Variants in ST3GAL4 observed in about 807,000 individuals in gnomAD.
ST3GAL4 encodes the protein ST3 beta-galactoside alpha-2,3-sialyltransferase 4.
ST3GAL4 carries 24 observed loss-of-function variants against 42.6 expected under a neutral mutation model. The ratio of observed to expected loss-of-function variants is 0.56; its 90% CI spans 0.41 to 0.79. The LOEUF is 0.79. ST3GAL4 is among the 30% of genes least tolerant of loss of function. ST3GAL4 has a pLI of 0.00. For missense variants in ST3GAL4, 311 were observed against 430.8 expected (o/e 0.72, Z 2.46); for synonymous variants, 135 against 163.2 (o/e 0.83, Z 1.32).
chr11:126,367,127 G>C (rs1565394641), intron 1 of ST3GAL4, among the ~76,000 whole-genome samples: 3 of 152,134 alleles, frequency 2.0e-5, no homozygotes, highest in Non-Finnish European at 4.4e-5. Flanking sequence ...TGAGGGATCC[G>C]TGTGCCAGCC....
chr11:126,413,490 G>T lies in ST3GAL4; in HGVS notation c.772-15G>T. The T allele has an allele frequency of 6.2e-7, 1 of 1,613,446 alleles. No homozygotes were observed. The highest frequency in any genetic ancestry group is 1.3e-5 in the African/African-American group (1 of 75,050). ...GCAGGGCTCCCACTAACACCCTCCT[G>T]CCCCTGTTCCTCAGAAGCCCACCAC... On this transcript the variant is annotated splice_polypyrimidine_tract_variant and intron_variant, in intron 9 of 10. Transcript: ENST00000444328.
At position 126,392,946 on chromosome 11, in the gene ST3GAL4, G is replaced by A. The variant is rs1030693331; in HGVS notation, c.-60-13150G>A. On this transcript the variant is annotated intron_variant, in intron 1 of 10. Coordinates refer to ENST00000444328, the MANE Select transcript of ST3GAL4 (RefSeq NM_001254757.2). The surrounding 1 kb of genome is among the most constrained non-coding windows in gnomAD (Gnocchi z 5.8). ...CCAGATCTCTCAACATTTGTAACAC[G>A]ACCAACTCCTGTTCTTTTTTTTTTT... Among the ~76,000 whole-genome samples the A allele has an allele frequency of 1.4e-4, 20 of 147,790 alleles. No individual in the cohort carries two copies. The highest frequency in any genetic ancestry group is 5.1e-4 in the African/African-American group (20 of 39,540).
chr11:126,399,590 A>G (rs1953921537), intron 1 of ST3GAL4, among the ~76,000 whole-genome samples: 1 of 152,038 alleles, frequency 6.6e-6, no homozygotes, highest in Non-Finnish European at 1.5e-5. Context: ...TACAGACGTG[A>G]GCTACTGCGC....
rs763280766 is a variant in ST3GAL4, at chr11:126,362,193, C to CTTTTTTTTT, written c.-61+6365_-61+6373dup. 1.7e-5 allele frequency among the ~76,000 whole-genome samples: 2 copies of CTTTTTTTTT among 119,092 alleles called. 1 individual carries two copies. The allele number at this position is 119,092 out of a possible 152,430, so 78.1% of individuals were successfully genotyped here. On this transcript the variant is annotated intron_variant, in intron 1 of 10. Coordinates refer to ENST00000444328, the MANE Select transcript of ST3GAL4 (RefSeq NM_001254757.2). ...CACCGTGTCTGGCCAACATTTCTTC[C>CTTTTTTTTT]TTTTTTTTTTTTTTTTTTTTTTAAG...
chr11:126,388,998 G>C (rs573104060), intron 1 of ST3GAL4, among the ~76,000 whole-genome samples: 3 of 151,938 alleles, frequency 2.0e-5, no homozygotes, highest in South Asian at 2.1e-4. Flanking sequence ...GGTTGGTCTC[G>C]AACTCGTGAC....
chr11:126,363,814 C>A lies in ST3GAL4; in HGVS notation c.-61+7972C>A, dbSNP rs1276389214. Among the ~76,000 whole-genome samples, 5 of 152,232 alleles carry A rather than the reference C, an allele frequency of 3.3e-5. No individual in the cohort carries two copies. Among genetic ancestry groups the A allele is most frequent in the Non-Finnish European group, 7.3e-5 (5 of 68,040 alleles). On this transcript the variant is annotated intron_variant, in intron 1 of 10. Coordinates refer to ENST00000444328, the MANE Select transcript of ST3GAL4 (RefSeq NM_001254757.2). This position sits in a 1 kb window ranked among gnomAD's most constrained non-coding sequence, Gnocchi z 4.6. ...GCCAACACAGTTTTCTACTCTCAGA[C>A]CCCATTGAGGTGAGCACACAACAGT...
intron 1 of ST3GAL4, among the ~76,000 whole-genome samples, chr11:126,394,874 C>T (rs186834613): frequency 6.6e-6 from 1 of 152,080 alleles, no homozygotes; most frequent in East Asian, 1.9e-4. Context: ...AGGGTGGGAA[C>T]AGAGAGTCTT....
chr11:126,411,576 A>G lies in ST3GAL4; in HGVS notation c.772-1929A>G, dbSNP rs1954527846. Among the ~76,000 whole-genome samples the G allele has an allele frequency of 6.6e-6, 1 of 151,954 alleles. No homozygotes were observed. Among genetic ancestry groups the G allele is most frequent in the Non-Finnish European group, 1.5e-5 (1 of 67,996 alleles). On this transcript the variant is annotated intron_variant, in intron 9 of 10. Transcript: ENST00000444328. This position sits in a 1 kb window ranked among gnomAD's most constrained non-coding sequence, Gnocchi z 6.3. ...TCTGTTTAGGGTGTCACAAGGCTGG[A>G]CTCGGTGTGTCAACCAGACAGTTCT...
chr11:126,388,662 T>G (rs1344881856), intron 1 of ST3GAL4, among the ~76,000 whole-genome samples: 3 of 37,058 alleles, frequency 8.1e-5, no homozygotes, highest in Admixed American at 1.1e-3. Context: ...GGTTTCTTGT[T>G]TTTTTTTTTT....
At chr11:126,377,084 G>C (rs952528426) in intron 1 of ST3GAL4, among the ~76,000 whole-genome samples, 1 of 152,206 alleles carries the variant, frequency 6.6e-6, no homozygotes, top group Admixed American at 6.5e-5. Flanking sequence ...AATCAATGGA[G>C]AAGGCAGTGC....
chr11:126,383,273 T>C lies in ST3GAL4; in HGVS notation c.-60-22823T>C, dbSNP rs1374780460. 1.3e-5 allele frequency among the ~76,000 whole-genome samples: 2 copies of C among 152,156 alleles called. No individual in the cohort carries two copies. The highest frequency in any genetic ancestry group is 4.8e-5 in the African/African-American group (2 of 41,456). On this transcript the variant is annotated intron_variant, in intron 1 of 10. Coordinates refer to ENST00000444328, the MANE Select transcript of ST3GAL4 (RefSeq NM_001254757.2). The surrounding 1 kb of genome is among the most constrained non-coding windows in gnomAD (Gnocchi z 4.5). ...CCCAGGATTCCCCTTTCCGTGACTT[T>C]GGAGGAACGAGGTTCCTGAGGGCTG...
chr11:126,390,901 T>G (rs1440634879), intron 1 of ST3GAL4, among the ~76,000 whole-genome samples: 1 of 152,224 alleles, frequency 6.6e-6, no homozygotes, highest in Non-Finnish European at 1.5e-5. Context: ...TCTGTGAGCT[T>G]GACTACTTTA....
rs1440273336 is a variant in ST3GAL4 at position 126,384,616 on chromosome 11, C to G, written c.-60-21480C>G. On this transcript the variant is annotated intron_variant, in intron 1 of 10. Coordinates refer to ENST00000444328, the MANE Select transcript of ST3GAL4 (RefSeq NM_001254757.2). This position sits in a 1 kb window ranked among gnomAD's most constrained non-coding sequence, Gnocchi z 5.5. Reference sequence around the variant, plus strand: ...GAAGGCTGAATGGGGCGGAACTGGTCAGGGCCTGGCACCAACTCCAGGATG... The same window carrying G: ...GAAGGCTGAATGGGGCGGAACTGGTGAGGGCCTGGCACCAACTCCAGGATG... 1.1e-6 allele frequency: 1 copy of G among 947,148 alleles called. No homozygotes were observed. The highest frequency in any genetic ancestry group is 1.3e-6 in the Non-Finnish European group (1 of 795,164). The allele number at this position is 947,148 out of a possible 1,614,324, so 58.7% of individuals were successfully genotyped here. A position where few individuals can be genotyped will look rare whatever the true frequency, so the allele number is the denominator to read the frequency against.
At chr11:126,408,046 C>A in intron 6 of ST3GAL4, 53 bp from the exon 7 acceptor site, 3 of 1,579,816 alleles carry the variant, frequency 1.9e-6, no homozygotes, top group South Asian at 1.1e-5. Context: ...TCCAGGGCAG[C>A]GAGCCTGGGT....
chr11:126,368,967 T>C (rs1021850148), intron 1 of ST3GAL4, among the ~76,000 whole-genome samples: 5 of 152,066 alleles, frequency 3.3e-5, no homozygotes, highest in African/African-American at 1.2e-4. Flanking sequence ...AGCATACAGT[T>C]TGGCAAGTAG....
At chr11:126,407,163 C>T (rs1363438708) in intron 4 of ST3GAL4, 89 bp from the exon 5 acceptor site, 1 of 1,501,714 alleles carries the variant, frequency 6.7e-7, no homozygotes, top group East Asian at 2.3e-5. Flanking sequence ...GAAGAGAAGG[C>T]CTTATAATAT....
rs1366300237 is a variant in ST3GAL4, at chr11:126,406,670, A to G, written c.101+113A>G. 24 of 1,173,836 alleles carry G rather than the reference A, an allele frequency of 2.0e-5. No individual in the cohort carries two copies. Among genetic ancestry groups the G allele is most frequent in the Non-Finnish European group, 2.3e-5 (20 of 864,188 alleles). 72.7% of individuals were successfully genotyped at this position (1,173,836 alleles called of 1,614,324 possible). ...GCAGGAAGGTTCCAAGAGCCGGCAC[A>G]TGACCTCATCCCTTCAGCTGCTGGT... On this transcript the variant is annotated intron_variant, in intron 3 of 10. Transcript: ENST00000444328. This position sits in a 1 kb window ranked among gnomAD's most constrained non-coding sequence, Gnocchi z 5.4.
At chr11:126,361,589 G>A (rs762690857) in intron 1 of ST3GAL4, among the ~76,000 whole-genome samples, 4 of 151,946 alleles carry the variant, frequency 2.6e-5, no homozygotes, top group Admixed American at 6.6e-5. Context: ...ACCCAGCACC[G>A]GCACTTCCTC....
In ST3GAL4 at chr11:126,406,145, T is replaced by A; in HGVS notation, c.-11T>A. 6.4e-7 allele frequency: 1 copy of A among 1,554,302 alleles called. No individual in the cohort carries two copies. The highest frequency in any genetic ancestry group is 1.2e-5 in the South Asian group (1 of 84,202). On this transcript the variant is annotated 5_prime_UTR_variant, in exon 2 of 11. Transcript: ENST00000444328. This position sits in a 1 kb window ranked among gnomAD's most constrained non-coding sequence, Gnocchi z 5.4. ...AGCTCTCCCCAGGAATCCTGCTGCCTGCTGAGAAACATGGTCAGCAAGTCC... is the reference window on the plus strand; with the variant it reads ...AGCTCTCCCCAGGAATCCTGCTGCCAGCTGAGAAACATGGTCAGCAAGTCC...
Sources: gnomAD v4.1 joint callset for allele counts (sites outside exome capture counted in the v4.1 genomes callset) on GRCh38, gnomAD v4.1.1 for gene constraint, Gnocchi (gnomAD v3.1) non-coding constraint, MANE v1.5 for transcripts, NCBI Gene and HGNC (gene_info 2026-07-23, HGNC 2026-07-21) for gene names.